The following METTL25 variants were observed in gnomAD, a reference collection of about 807,000 sequenced individuals.
METTL25 encodes probable methyltransferase-like protein 25.
METTL25 carries 64 observed loss-of-function variants against 71.6 expected under a neutral mutation model. The observed-to-expected ratio is 0.89, with a 90% CI of 0.73 to 1.10. The LOEUF is 1.10. Among genes scored for constraint, METTL25 ranks in the 50% least tolerant of loss-of-function variants. The pLI is 0.00. For synonymous variants in METTL25, 287 were observed against 250.3 expected, an observed-to-expected ratio of 1.15 and a Z score of -1.38; for missense variants, 807 against 707.0, an observed-to-expected ratio of 1.14 and a Z score of -1.60.
At chr12:82,450,536 C>T (rs1891065460) in intron 8 of METTL25, among the ~76,000 whole-genome samples, 1 of 152,138 alleles carries the variant, frequency 6.6e-6, no homozygotes, top group African/African-American at 2.4e-5. Flanking sequence ...CTATTCTTTA[C>T]ACAATAGCTA....
At chr12:82,437,148 T>G (rs1295301591) in intron 7 of METTL25, among the ~76,000 whole-genome samples, 1 of 151,666 alleles carries the variant, frequency 6.6e-6, no homozygotes, top group Non-Finnish European at 1.5e-5. Flanking sequence ...TTGATGTAAT[T>G]TTTAAGGAAA....
At chr12:82,425,518 G>A (rs909190626) in intron 5 of METTL25, among the ~76,000 whole-genome samples, 1 of 152,000 alleles carries the variant, frequency 6.6e-6, no homozygotes, top group East Asian at 1.9e-4. Context: ...AATGAATGAG[G>A]TATCAAGAGT....
chr12:82,470,444 A>G (rs1457496180), intron 9 of METTL25, among the ~76,000 whole-genome samples: 2 of 152,134 alleles, frequency 1.3e-5, no homozygotes, highest in African/African-American at 4.8e-5. Context: ...GGAGAAAATC[A>G]TTTGCCATGT....
At chr12:82,386,446 C>CTCT (rs1885015133) in intron 1 of METTL25, among the ~76,000 whole-genome samples, 1 of 127,510 alleles carries the variant, frequency 7.8e-6, no homozygotes, top group Non-Finnish European at 1.7e-5. Flanking sequence ...TCCCTCCCTC[C>CTCT]CTCCCTCCCT....
chr12:82,449,580 G>T (rs1256949074), intron 8 of METTL25, among the ~76,000 whole-genome samples: 1 of 152,078 alleles, frequency 6.6e-6, no homozygotes, highest in East Asian at 1.9e-4. Flanking sequence ...TTAAAATCCA[G>T]TTTAGAAGAC....
intron 8 of METTL25, among the ~76,000 whole-genome samples, chr12:82,452,316 CT>C (rs1891206798): frequency 6.6e-6 from 1 of 152,136 alleles, no homozygotes; most frequent in Non-Finnish European, 1.5e-5. Flanking sequence ...TGGCCTACCT[CT>C]TTTTCTTCTA....
At chr12:82,476,519 C>T (rs1892888973) in intron 9 of METTL25, 125 bp from the exon 10 acceptor site, 5 of 657,072 alleles carry the variant, frequency 7.6e-6, no homozygotes, top group South Asian at 1.9e-5. Context: ...ATCCTTAGAG[C>T]GAGTTCTTCA....
intron 1 of METTL25, among the ~76,000 whole-genome samples, chr12:82,384,163 G>GT (rs1347161606): frequency 6.6e-6 from 1 of 152,116 alleles, no homozygotes; most frequent in Non-Finnish European, 1.5e-5. Context: ...CAAATTTAAA[G>GT]TTTTCCCTTC....
intron 3 of METTL25, among the ~76,000 whole-genome samples, chr12:82,393,300 T>C (rs1885768335): frequency 6.6e-6 from 1 of 152,138 alleles, no homozygotes; most frequent in Non-Finnish European, 1.5e-5. Flanking sequence ...CTCATCAATT[T>C]ATTTCATCAA....
In METTL25 at chr12:82,358,790, G is replaced by C. The variant is rs138439117; in HGVS notation, c.225G>C (p.Glu75Asp). 15 of 1,613,534 alleles carry C rather than the reference G, an allele frequency of 9.3e-6. No homozygotes were observed. The African/African-American group carries it at 1.9e-4, about 20-fold the overall frequency. Residue 75 changes from glutamate to aspartate, a missense_variant, in exon 1 of 12, where the codon GAG becomes GAC. Glu to Asp is a conservative substitution (Grantham distance 45). Coordinates refer to ENST00000248306, the MANE Select transcript of METTL25 (RefSeq NM_032230.3). ...CGGAGACGGAGGCCCTGCCCTCAGAGACGCGCCCCCTAGTGGAAGCAGAGT... is the reference window on the plus strand; with the variant it reads ...CGGAGACGGAGGCCCTGCCCTCAGACACGCGCCCCCTAGTGGAAGCAGAGT... The part of the protein sequence containing the change: ...SASETEALPS[E>D]TRPLVEAEWE...
chr12:82,394,689 G>A lies in METTL25; in HGVS notation c.532-4106G>A, dbSNP rs577040850. ...ATTAGGAGAGATTGACAATAAAAAG[G>A]TTATGAGTGTATTTTAATGTGTATG... On this transcript the variant is annotated intron_variant, in intron 3 of 11. Transcript: ENST00000248306. Among the ~76,000 whole-genome samples, 6 of 152,070 alleles carry A rather than the reference G, an allele frequency of 3.9e-5. No homozygotes were observed. The South Asian group carries it at 6.2e-4, about 16-fold the overall frequency.
intron 2 of METTL25, among the ~76,000 whole-genome samples, chr12:82,389,185 G>T (rs1442687960): frequency 6.6e-6 from 1 of 152,066 alleles, no homozygotes; most frequent in Non-Finnish European, 1.5e-5. Flanking sequence ...CTGTAGTTCT[G>T]CAATGAGGGA....
chr12:82,430,907 A>G lies in METTL25; in HGVS notation c.1294A>G (p.Lys432Glu). 6.3e-7 allele frequency: 1 copy of G among 1,589,446 alleles called. No individual in the cohort carries two copies. Among genetic ancestry groups the G allele is most frequent in the African/African-American group, 1.3e-5 (1 of 74,082 alleles). The change falls in exon 6 of 12, where the codon AAG becomes GAG. Residue 432 changes from lysine (K) to glutamate (E), a missense_variant. By Grantham distance (56) the Lys-to-Glu change is moderately conservative. Transcript: ENST00000248306. ...CCCATCTGCAGAACGTACTCAGGAA[A>G]AGTGGGGATTTCCAATGTGCCACTA... is the stretch of plus-strand genomic sequence containing the variant. ...ENQHKERTQE[K>E]WGFPMCHYLK...
In METTL25 at chr12:82,358,726, C is replaced by T. The variant is rs1881312413; in HGVS notation, c.161C>T (p.Pro54Leu). 1.9e-6 allele frequency: 3 copies of T among 1,614,038 alleles called. No individual in the cohort carries two copies. The highest frequency in any genetic ancestry group is 1.7e-5 in the Admixed American group (1 of 60,000). The change falls in exon 1 of 12, where the codon CCA becomes CTA. Residue 54 changes from proline to leucine, a missense_variant. Transcript: ENST00000248306. ...ESVWEELVDL[P>L]PETVLAALRK... ...GTGTGGGAGGAGCTGGTCGACTTGC[C>T]ACCGGAGACAGTGCTGGCTGCGCTG...
rs1039386561 is a variant in METTL25, at chr12:82,411,555, G to GA, written c.1279+8434dup. 6.7e-5 allele frequency among the ~76,000 whole-genome samples: 10 copies of GA among 150,154 alleles called. No individual in the cohort carries two copies. The South Asian group carries it at 1.3e-3, about 19-fold the overall frequency. ...TATGAAATAAAATTATAAATGGTAA[G>GA]AAAAAAAAAGCACTGATTCAGCACT... On this transcript the variant is annotated intron_variant, in intron 5 of 11. Coordinates refer to ENST00000248306, the MANE Select transcript of METTL25 (RefSeq NM_032230.3).
chr12:82,465,303 T>G (rs1481845566), intron 9 of METTL25, among the ~76,000 whole-genome samples: 1 of 152,094 alleles, frequency 6.6e-6, no homozygotes, highest in East Asian at 1.9e-4. Flanking sequence ...GTTGAAAGTT[T>G]TTATCATGAA....
At chr12:82,365,753 T>C (rs75652148) in intron 1 of METTL25, among the ~76,000 whole-genome samples, 121 of 143,926 alleles carry the variant, frequency 8.4e-4, no homozygotes, top group African/African-American at 2.8e-3. Flanking sequence ...CAGAAGCAAC[T>C]TAAGCAGCTT....
chr12:82,402,676 AATTTAATCTTT>A (rs1886738719), intron 4 of METTL25, among the ~76,000 whole-genome samples: 1 of 152,154 alleles, frequency 6.6e-6, no homozygotes, highest in Non-Finnish European at 1.5e-5. Flanking sequence ...TGAAAGATTT[AATTTAATCTTT>A]AAATCATTAA....
intron 8 of METTL25, among the ~76,000 whole-genome samples, chr12:82,449,754 T>G (rs1227256310): frequency 6.6e-6 from 1 of 152,152 alleles, no homozygotes; most frequent in East Asian, 1.9e-4. Flanking sequence ...TCAGTTTTAT[T>G]AAATGAAATG....
Sources: allele counts gnomAD v4.1 joint callset (sites outside exome capture counted in the v4.1 genomes callset), GRCh38; gene constraint gnomAD v4.1.1; transcripts MANE v1.5; gene names NCBI Gene and HGNC (gene_info 2026-07-23, HGNC 2026-07-21).